The following SUGCT variants were observed in gnomAD, a reference collection of about 807,000 sequenced individuals.
The protein encoded by SUGCT is succinyl-CoA:glutarate CoA-transferase.
SUGCT carries 41 observed loss-of-function variants against 55.0 expected under a neutral mutation model. That is an observed-to-expected ratio of 0.74 (90% CI 0.58 to 0.97). The LOEUF (loss-of-function observed/expected upper bound fraction) is 0.97. Ranked by LOEUF, SUGCT falls within the 50% of genes least tolerant of loss-of-function variation. The probability of loss-of-function intolerance (pLI) is 0.00; values close to 1 mark genes in which losing one functional copy is unlikely to be tolerated. For synonymous variants in SUGCT, 187 were observed against 200.4 expected, an observed-to-expected ratio of 0.93 and a Z score of 0.56; for missense variants, 568 against 547.8, an observed-to-expected ratio of 1.04 and a Z score of -0.37.
At chr7:41,020,897 G>A in the SUGCT span, among the ~76,000 whole-genome samples, 2 of 152,204 alleles carry the variant, frequency 1.3e-5, no homozygotes, top group Non-Finnish European at 2.9e-5. Context: ...TGTAGCAGCA[G>A]CCTGATATGG....
intron 9 of SUGCT, among the ~76,000 whole-genome samples, chr7:40,374,186 A>C (rs1028137624): frequency 6.6e-6 from 1 of 152,164 alleles, no homozygotes; most frequent in Non-Finnish European, 1.5e-5. Context: ...AGGAATATTA[A>C]TGTAGCCTTG....
At chr7:40,499,052 G>A (rs113969551) in intron 12 of SUGCT, 10,878 of 456,648 alleles carry the variant, frequency 0.024, 191 homozygotes, top group Admixed American at 0.045. Context: ...GAGCTGCAGA[G>A]TTTCTTGGCG....
chr7:40,509,708 T>G (rs1378749856), intron 12 of SUGCT, among the ~76,000 whole-genome samples: 2 of 152,178 alleles, frequency 1.3e-5, no homozygotes, highest in Non-Finnish European at 2.9e-5. Context: ...TGTTGTGTGT[T>G]GAGTTCAGAC....
At chr7:40,176,601 G>T (rs1453322590) in intron 1 of SUGCT, among the ~76,000 whole-genome samples, 1 of 151,040 alleles carries the variant, frequency 6.6e-6, no homozygotes, top group African/African-American at 2.4e-5. Flanking sequence ...TTTTTTTTCT[G>T]CCAAATTGCT....
intron 12 of SUGCT, among the ~76,000 whole-genome samples, chr7:40,568,169 T>A (rs76994004): frequency 2.9e-3 from 442 of 152,328 alleles, no homozygotes; most frequent in African/African-American, 9.7e-3. Flanking sequence ...TCTCTGGACA[T>A]AACGGAGAAG....
chr7:40,331,647 G>A (rs1280311069), intron 9 of SUGCT, among the ~76,000 whole-genome samples: 1 of 152,124 alleles, frequency 6.6e-6, no homozygotes, highest in African/African-American at 2.4e-5. Flanking sequence ...CAACTGCCAG[G>A]AGTCCTTGTT....
chr7:40,299,327 G>A (rs1380811348), intron 8 of SUGCT, among the ~76,000 whole-genome samples: 2 of 152,278 alleles, frequency 1.3e-5, no homozygotes, highest in African/African-American at 2.4e-5. Context: ...GTGCTACCAC[G>A]TGACATTGTG....
intron 9 of SUGCT, among the ~76,000 whole-genome samples, chr7:40,381,540 C>T (rs923793827): frequency 3.3e-5 from 5 of 152,056 alleles, no homozygotes; most frequent in South Asian, 2.1e-4. Flanking sequence ...TCTGTTGACT[C>T]GTGGTTCCGA....
At chr7:40,398,316 T>G (rs1173673671) in intron 9 of SUGCT, among the ~76,000 whole-genome samples, 2 of 152,158 alleles carry the variant, frequency 1.3e-5, no homozygotes, top group Non-Finnish European at 2.9e-5. Context: ...GGTCTTGAAC[T>G]CCTGACCTCA....
chr7:40,168,880 A>G (rs1430440641), intron 1 of SUGCT, among the ~76,000 whole-genome samples: 1 of 152,070 alleles, frequency 6.6e-6, no homozygotes, highest in Non-Finnish European at 1.5e-5. Flanking sequence ...TTTCTAATGG[A>G]TGGTCCCGCC....
chr7:40,288,920 A>G (rs1209929291), intron 8 of SUGCT, among the ~76,000 whole-genome samples: 1 of 152,184 alleles, frequency 6.6e-6, no homozygotes, highest in East Asian at 1.9e-4. Flanking sequence ...AATGGCTAGA[A>G]TAGTCTTAGA....
rs1183426693 is a variant in SUGCT, at chr7:40,439,064, GTATATATATATATATATATATATA to G, written c.817-10199_817-10176del. 3.7e-4 allele frequency among the ~76,000 whole-genome samples: 10 copies of G among 27,192 alleles called. No homozygotes were observed. The East Asian group carries it at 6.4e-3, about 17-fold the overall frequency. The allele number at this position is 27,192 out of a possible 152,430, so 17.8% of individuals were successfully genotyped here. Reference sequence around the variant, plus strand: ...TATATATATATGGTATATATATGGTGTATATATATATATATATATATATATATATATATATATATATATATATGG... The same window carrying G: ...TATATATATATGGTATATATATGGTGTATATATATATATATATATATATGG... On this transcript the variant is annotated intron_variant, in intron 9 of 13. Transcript: ENST00000335693.
At chr7:40,287,469 A>G (rs546355563) in intron 8 of SUGCT, among the ~76,000 whole-genome samples, 3 of 151,518 alleles carry the variant, frequency 2.0e-5, no homozygotes, top group East Asian at 3.9e-4. Context: ...ACCATTATGT[A>G]TGATGTAACT....
chr7:40,189,398 C>G (rs1010791183), intron 4 of SUGCT, 146 bp from the exon 5 acceptor site: 4 of 145,540 alleles, frequency 2.7e-5, no homozygotes, highest in African/African-American at 6.2e-5. Flanking sequence ...AATACACATA[C>G]TTTTTTTTTT....
intron 12 of SUGCT, among the ~76,000 whole-genome samples, chr7:40,667,123 A>T (rs975021413): frequency 6.6e-6 from 1 of 151,164 alleles, no homozygotes. Flanking sequence ...AAAAAAAAAA[A>T]TGCTCATTGG....
chr7:40,582,362 C>A (rs1797147970), intron 12 of SUGCT, among the ~76,000 whole-genome samples: 1 of 152,080 alleles, frequency 6.6e-6, no homozygotes, highest in South Asian at 2.1e-4. Context: ...TGTCTCTCAA[C>A]AATGAGATAT....
chr7:40,664,797 G>A (rs564546736), intron 12 of SUGCT, among the ~76,000 whole-genome samples: 5 of 151,930 alleles, frequency 3.3e-5, no homozygotes, highest in Admixed American at 6.6e-5. Flanking sequence ...TGGCTAACAC[G>A]GTGAAACCCC....
chr7:40,237,723 T>C lies in SUGCT; in HGVS notation c.573T>C (p.Pro191=). ...CTGGTCTGATGCACATCACAGGGCC[T>C]GAGGTAGGTATCCTTCCTTAGAATA... is the stretch of plus-strand genomic sequence containing the variant. ...AVSGLMHITG[P]ENGDPVRPGV... is the part of the protein sequence containing the mutation. Residue 191 remains proline (P), a synonymous_variant, in exon 7 of 14, where the codon CCT becomes CCC. Transcript: ENST00000335693. 1 of 1,612,604 alleles carries C rather than the reference T, an allele frequency of 6.2e-7. No individual in the cohort carries two copies. Among genetic ancestry groups the C allele is most frequent in the Non-Finnish European group, 8.5e-7 (1 of 1,178,674 alleles).
intron 12 of SUGCT, among the ~76,000 whole-genome samples, chr7:40,573,335 T>A (rs1584020199): frequency 6.6e-6 from 1 of 152,230 alleles, no homozygotes; most frequent in African/African-American, 2.4e-5. Context: ...ACTGTTTGAA[T>A]CAAAGCCAAA....
Sources: gnomAD v4.1 joint callset for allele counts (sites outside exome capture counted in the v4.1 genomes callset) on GRCh38, gnomAD v4.1.1 for gene constraint, MANE v1.5 for transcripts, NCBI Gene and HGNC (gene_info 2026-07-23, HGNC 2026-07-21) for gene names.